Variants in ZNF517 observed in about 807,000 individuals in gnomAD.
The protein encoded by ZNF517 is zinc finger protein 517.
Under a neutral mutation model 12.1 loss-of-function variants are expected in ZNF517, and 12 were observed. The ratio of observed to expected loss-of-function variants is 0.99; its 90% CI spans 0.63 to 1.61. The LOEUF (loss-of-function observed/expected upper bound fraction) is 1.61. Ranked by LOEUF, ZNF517 falls within the 40% of genes most tolerant of loss-of-function variation. ZNF517 has a pLI of 0.00. For synonymous variants in ZNF517, 388 were observed against 310.2 expected, an observed-to-expected ratio of 1.25 and a Z score of -2.63; for missense variants, 781 against 693.2, an observed-to-expected ratio of 1.13 and a Z score of -1.42.
In ZNF517 at chr8:144,808,438, C is replaced by A. The variant is rs745775018; in HGVS notation, c.*43C>A. On this transcript the variant is annotated 3_prime_UTR_variant, in exon 5 of 5. Transcript: ENST00000359971. Reference sequence around the variant, plus strand: ...CGAGGATTCACGCTGGAAGCCCACCCAAGCCGGCGGGGCCCTAGCGCAGAA... The same window carrying A: ...CGAGGATTCACGCTGGAAGCCCACCAAAGCCGGCGGGGCCCTAGCGCAGAA... The A allele has an allele frequency of 2.7e-5, 39 of 1,438,676 alleles. No homozygotes were observed. In the East Asian group the frequency reaches 7.3e-4, roughly 27 times the overall value. The allele number at this position is 1,438,676 out of a possible 1,614,324, so 89.1% of individuals were successfully genotyped here.
At chr8:144,803,936 C>T (rs1165687780) in intron 3 of ZNF517, 169 bp downstream of exon 3, 7 of 1,150,684 alleles carry the variant, frequency 6.1e-6, no homozygotes, top group Admixed American at 5.5e-5. Context: ...CCAGCGTCAG[C>T]CTGCCTGAGG....
chr8:144,812,093 G>A (rs1827574638), downstream of ZNF517, among the ~76,000 whole-genome samples: 1 of 135,452 alleles, frequency 7.4e-6, no homozygotes, highest in Non-Finnish European at 1.6e-5. Context: ...GAGAGACACC[G>A]ACAGTAAAGC....
chr8:144,807,083 G>A (rs1433583934), intron 4 of ZNF517, 108 bp from the exon 5 acceptor site: 1 of 1,392,580 alleles, frequency 7.2e-7, no homozygotes, highest in Non-Finnish European at 9.6e-7. Context: ...CAGTAAAGCT[G>A]GGTGTTGGGG....
At chr8:144,811,032 C>T (rs1343644375), downstream of ZNF517, 3 of 152,300 alleles carry the variant, frequency 2.0e-5, no homozygotes, top group East Asian at 1.9e-4. Context: ...AGCCTGGAGC[C>T]GTGAGGCCTT....
At chr8:144,800,077 C>T (rs2976645) in intron 1 of ZNF517, among the ~76,000 whole-genome samples, 20 of 152,146 alleles carry the variant, frequency 1.3e-4, no homozygotes, top group South Asian at 2.1e-4. Flanking sequence ...CGTAGTGAGC[C>T]GGGTGCCCCA....
downstream of ZNF517, among the ~76,000 whole-genome samples, chr8:144,812,780 A>G (rs767388700): frequency 3.9e-5 from 6 of 152,348 alleles, no homozygotes; most frequent in South Asian, 6.2e-4. Flanking sequence ...GAGCATCCAA[A>G]TACTTCCTTC....
At chr8:144,811,109 A>G (rs949982762), downstream of ZNF517, 2 of 152,306 alleles carry the variant, frequency 1.3e-5, no homozygotes, top group Non-Finnish European at 2.9e-5. Flanking sequence ...GTCCTGTGTC[A>G]TAACCAGACT....
rs1827327397 is a variant in ZNF517, at chr8:144,807,722, C to CCTT, written c.808_810dup (p.Phe270dup). On this transcript the variant is annotated inframe_insertion, in exon 5 of 5. Transcript: ENST00000359971. ...TACGCATGCGGCGAGTGCGGCAAGG[C>CCTT]CTTCAGCCGCAGCTCCCGGCTGCTG... is the stretch of plus-strand genomic sequence containing the variant. The CCTT allele has an allele frequency of 6.2e-7, 1 of 1,611,850 alleles. No individual in the cohort carries two copies. The highest frequency in any genetic ancestry group is 1.3e-5 in the African/African-American group (1 of 74,916).
At position 144,802,881 on chromosome 8, in the gene ZNF517, T is replaced by G. The variant is rs557125004; in HGVS notation, c.-34T>G. 11 of 1,613,886 alleles carry G rather than the reference T, an allele frequency of 6.8e-6. No homozygotes were observed. In the African/African-American group the frequency reaches 1.2e-4, roughly 18 times the overall value. ...CTATGTTCCCTCAGAATTCACTGTC[T>G]GTAGCATCTGCTCCTCCACAGAGGG... On this transcript the variant is annotated 5_prime_UTR_variant, in exon 2 of 5. Coordinates refer to ENST00000359971, the MANE Select transcript of ZNF517 (RefSeq NM_213605.3).
At position 144,807,800 on chromosome 8, in the gene ZNF517, G is replaced by A; in HGVS notation, c.884G>A (p.Gly295Asp). 6.2e-7 allele frequency: 1 copy of A among 1,611,294 alleles called. No individual in the cohort carries two copies. Among genetic ancestry groups the A allele is most frequent in the Non-Finnish European group, 8.5e-7 (1 of 1,179,062 alleles). ...AAGCCCTTCGCGTGCACAGAGTGCGGCAAGGCGTTCTGCCGCAGGTTCACC... is the reference window on the plus strand; with the variant it reads ...AAGCCCTTCGCGTGCACAGAGTGCGACAAGGCGTTCTGCCGCAGGTTCACC... ...GEKPFACTEC[G>D]KAFCRRFTLN... The change falls in exon 5 of 5, where the codon GGC (glycine) becomes GAC (aspartate). Residue 295 changes from glycine to aspartate, a missense_variant. Physicochemically the swap from Gly to Asp is moderately conservative, Grantham distance 94. Coordinates refer to ENST00000359971, the MANE Select transcript of ZNF517 (RefSeq NM_213605.3).
chr8:144,802,464 C>T (rs919865607), intron 1 of ZNF517, among the ~76,000 whole-genome samples: 5 of 152,234 alleles, frequency 3.3e-5, no homozygotes, highest in Non-Finnish European at 5.9e-5. Flanking sequence ...GTGCCAAGCC[C>T]TTCCTCAGGC....
intron 3 of ZNF517, 121 bp downstream of exon 3, chr8:144,803,888 C>A: frequency 7.1e-7 from 1 of 1,405,922 alleles, no homozygotes; most frequent in Non-Finnish European, 9.6e-7. Context: ...GGAGGCTCCC[C>A]AAGGAGCCCC....
In ZNF517 at chr8:144,807,743, T is replaced by A. The variant is rs777316782; in HGVS notation, c.827T>A (p.Leu276Gln). ...CGKAFSRSSR[L>Q]LQHQKFHTGE... ...AAGGCCTTCAGCCGCAGCTCCCGGC[T>A]GCTGCAGCACCAGAAGTTCCACACC... The change falls in exon 5 of 5, where the codon CTG becomes CAG. Residue 276 changes from leucine to glutamine, a missense_variant. Transcript: ENST00000359971. 5 of 1,612,204 alleles carry A rather than the reference T, an allele frequency of 3.1e-6. No individual in the cohort carries two copies. Among genetic ancestry groups the A allele is most frequent in the Non-Finnish European group, 3.4e-6 (4 of 1,179,552 alleles).
Position 144,808,530 on chromosome 8 carries a change from C to T in ZNF517, c.*135C>T, listed in dbSNP as rs1827414378. ...AAAGGGCCAGCTCCCATCAGGAGCTCGGCTTCTTGCTCCAGCCGGGCACTG... is the reference window on the plus strand; with the variant it reads ...AAAGGGCCAGCTCCCATCAGGAGCTTGGCTTCTTGCTCCAGCCGGGCACTG... On this transcript the variant is annotated 3_prime_UTR_variant, in exon 5 of 5. Transcript: ENST00000359971. The T allele has an allele frequency of 1.6e-6, 2 of 1,219,668 alleles. No individual in the cohort carries two copies. The highest frequency in any genetic ancestry group is 1.6e-5 in the African/African-American group (1 of 63,372). 75.6% of individuals were successfully genotyped at this position (1,219,668 alleles called of 1,614,324 possible). A position where few individuals can be genotyped will look rare whatever the true frequency, so the allele number is the denominator to read the frequency against.
chr8:144,812,092 C>G (rs1456563782), downstream of ZNF517, among the ~76,000 whole-genome samples: 216 of 79,728 alleles, frequency 2.7e-3, 1 homozygote, highest in Middle Eastern at 0.026. Context: ...GGAGAGACAC[C>G]GACAGTAAAG....
rs1308071496 is a variant in ZNF517, at chr8:144,807,436, TCAGCCCCCCGCTA to T, written c.524_536del (p.Ala175GlyfsTer47). On this transcript the variant is annotated frameshift_variant, in exon 5 of 5. Transcript: ENST00000359971. LOFTEE classifies it low-confidence loss of function (END_TRUNC). ...AGACCTGGGCCGGCCTGTGGGGAGC[TCAGCCCCCCGCTA>T]CAGGTGCGTGTGCGGCAAGGCGTTC... is the stretch of plus-strand genomic sequence containing the variant. 6.4e-7 allele frequency: 1 copy of T among 1,571,760 alleles called. No individual in the cohort carries two copies. Among genetic ancestry groups the T allele is most frequent in the African/African-American group, 1.4e-5 (1 of 73,600 alleles).
In ZNF517 at chr8:144,808,281, C is replaced by A; in HGVS notation, c.1365C>A (p.Arg455=). The A allele has an allele frequency of 6.4e-7, 1 of 1,563,590 alleles. No homozygotes were observed. ...LHSGERPYRC[R]ACGRACSRLS... ...GCGGCGAGAGGCCATACCGGTGCCG[C>A]GCCTGCGGGAGGGCCTGCAGCCGGC... The change falls in exon 5 of 5, where the codon CGC becomes CGA. Residue 455 remains arginine, a synonymous_variant. Coordinates refer to ENST00000359971, the MANE Select transcript of ZNF517 (RefSeq NM_213605.3).
intron 1 of ZNF517, among the ~76,000 whole-genome samples, 162 bp downstream of exon 1, chr8:144,799,099 A>T (rs951893128): frequency 1.3e-5 from 2 of 151,920 alleles, no homozygotes; most frequent in Non-Finnish European, 1.5e-5. Context: ...CCGAACCCTT[A>T]TCGGGGCGAA....
downstream of ZNF517, among the ~76,000 whole-genome samples, chr8:144,811,967 G>T (rs1827570186): frequency 8.6e-6 from 1 of 115,702 alleles, no homozygotes; most frequent in African/African-American, 3.6e-5. Flanking sequence ...GTAAAGCTCA[G>T]CCAGGTGCAG....
Sources: allele counts gnomAD v4.1 joint callset (sites outside exome capture counted in the v4.1 genomes callset), GRCh38; gene constraint gnomAD v4.1.1; transcripts MANE v1.5; gene names NCBI Gene and HGNC (gene_info 2026-07-23, HGNC 2026-07-21).